Variants in FRMPD4 observed in about 807,000 individuals in gnomAD.
FRMPD4 encodes FERM and PDZ domain-containing protein 4.
Under a neutral mutation model 94.1 loss-of-function variants are expected in FRMPD4, and 22 were observed. The ratio of observed to expected loss-of-function variants is 0.23; its 90% CI spans 0.17 to 0.33. The LOEUF is 0.33. Ranked by LOEUF, FRMPD4 falls within the 10% of genes least tolerant of loss-of-function variation. The pLI is 1.00. For synonymous variants in FRMPD4, 631 were observed against 548.6 expected, an observed-to-expected ratio of 1.15 and a Z score of -2.10; for missense variants, 1,111 against 1,339.9, an observed-to-expected ratio of 0.83 and a Z score of 2.67.
intron 3 of FRMPD4, among the ~76,000 whole-genome samples, chrX:11,977,123 C>T (rs2054371396): frequency 8.9e-6 from 1 of 111,833 alleles, no homozygotes; most frequent in Non-Finnish European, 1.9e-5. Context: ...TAAAAAGGCA[C>T]TTAGATTGAT....
chrX:12,226,720 G>C (rs2056927013), intron 1 of FRMPD4, among the ~76,000 whole-genome samples: 1 of 111,107 alleles, frequency 9.0e-6, no homozygotes, highest in African/African-American at 3.3e-5. Context: ...ATGGATGCCA[G>C]ACATGCAGTG....
intron 1 of FRMPD4, among the ~76,000 whole-genome samples, chrX:12,295,706 G>T (rs928785550): frequency 2.1e-4 from 23 of 111,609 alleles, no homozygotes; most frequent in African/African-American, 7.2e-4. Flanking sequence ...GAGTCTTTTT[G>T]CCTCTTTAAG....
intron 1 of FRMPD4, among the ~76,000 whole-genome samples, chrX:12,270,715 C>G (rs748656183): frequency 2.7e-5 from 3 of 111,473 alleles, no homozygotes; most frequent in Non-Finnish European, 5.7e-5. Flanking sequence ...ACATTTCTAT[C>G]GTATTCACTT....
chrX:11,887,864 G>A lies in FRMPD4; in HGVS notation c.95+9846G>A, dbSNP rs1023359680. 5.4e-5 allele frequency among the ~76,000 whole-genome samples: 6 copies of A among 111,316 alleles called. No homozygotes were observed. In the South Asian group the frequency reaches 2.3e-3, roughly 42 times the overall value. On this transcript the variant is annotated intron_variant, in intron 3 of 18. Coordinates refer to the FRMPD4 transcript ENST00000640291. ...TATATCAGAATTGTGTTCTTCCCTC[G>A]GGTTTTCATAAAAACAGGTAGCAAA...
chrX:12,613,699 C>T (rs745813662), intron 3 of FRMPD4, among the ~76,000 whole-genome samples: 48 of 111,920 alleles, frequency 4.3e-4, no homozygotes, highest in Non-Finnish European at 6.8e-4. Flanking sequence ...TAAACAGGGC[C>T]GGGTGTAGGG....
chrX:12,623,714 A>G (rs1045780195), intron 4 of FRMPD4, among the ~76,000 whole-genome samples: 1 of 109,274 alleles, frequency 9.2e-6, no homozygotes, highest in Non-Finnish European at 1.9e-5. Flanking sequence ...AAGACACATT[A>G]TAACCAAATT....
intron 1 of FRMPD4, among the ~76,000 whole-genome samples, chrX:12,277,983 C>T (rs1384464293): frequency 1.8e-5 from 2 of 112,173 alleles, no homozygotes; most frequent in Non-Finnish European, 3.8e-5. Context: ...TATGTCCCAT[C>T]CAGCAGGTAT....
Position 12,414,568 on chromosome X carries a change from C to T in FRMPD4, c.42-84112C>T, listed in dbSNP as rs148488667. 4.8e-3 allele frequency among the ~76,000 whole-genome samples: 538 copies of T among 111,668 alleles called. 6 individuals are homozygous for T. Among genetic ancestry groups the T allele is most frequent in the African/African-American group, 0.016 (482 of 30,747 alleles). The stretch of plus-strand genomic sequence containing the variant: ...GACGTATTTTTATATTCTTCTATTA[C>T]GGACAGGACTAAGGAATTCTGGAAC... On this transcript the variant is annotated intron_variant, in intron 1 of 16. Coordinates refer to ENST00000675598, the MANE Select transcript of FRMPD4 (RefSeq NM_001368397.1).
intron 1 of FRMPD4, among the ~76,000 whole-genome samples, chrX:12,391,561 C>T (rs2056475223): frequency 9.0e-6 from 1 of 111,634 alleles, no homozygotes; most frequent in South Asian, 3.8e-4. Flanking sequence ...GGTATCTGGT[C>T]CTCATTTTAG....
intron 1 of FRMPD4, among the ~76,000 whole-genome samples, chrX:12,194,559 A>G (rs766615181): frequency 2.7e-5 from 3 of 111,498 alleles, no homozygotes; most frequent in African/African-American, 9.8e-5. Flanking sequence ...GAAGTTTGAG[A>G]GCTATTATTG....
chrX:12,707,325 C>A (rs2041895946), intron 12 of FRMPD4, 144 bp from the exon 13 acceptor site: 3 of 445,704 alleles, frequency 6.7e-6, no homozygotes, highest in African/African-American at 2.5e-5. Context: ...GTATCTGGTT[C>A]TTCTAATTGG....
At chrX:12,376,623 G>A (rs1258709447) in intron 1 of FRMPD4, among the ~76,000 whole-genome samples, 7 of 110,928 alleles carry the variant, frequency 6.3e-5, no homozygotes, top group South Asian at 3.7e-4. Flanking sequence ...ATGTGTGCAC[G>A]TGTGTGGGTG....
rs1279872026 is a variant in FRMPD4 at position 12,716,368 on chromosome X, G to A, written c.1909G>A (p.Glu637Lys). Residue 637 changes from glutamate (E) to lysine (K), a missense_variant, in exon 15 of 17, where the codon GAA (glutamate) becomes AAA (lysine). Physicochemically the swap from Glu to Lys is moderately conservative, Grantham distance 56. Coordinates refer to ENST00000675598, the MANE Select transcript of FRMPD4 (RefSeq NM_001368397.1). ...QRSLLTLSGPETLKKAQESPR... is the reference protein window; with the variant it reads ...QRSLLTLSGPKTLKKAQESPR... ...GTCCCTATTGACCCTCTCAGGACCA[G>A]AAACTCTGAAGAAAGCACAGGAATC... 1.7e-6 allele frequency: 2 copies of A among 1,211,897 alleles called. No individual in the cohort carries two copies. Among genetic ancestry groups the A allele is most frequent in the African/African-American group, 3.5e-5 (2 of 57,864 alleles).
chrX:12,714,008 A>G (rs753608756), intron 14 of FRMPD4, among the ~76,000 whole-genome samples: 1 of 112,048 alleles, frequency 8.9e-6, no homozygotes, highest in South Asian at 3.8e-4. Context: ...GTAAGTATCC[A>G]TCAACTTGCT....
intron 2 of FRMPD4, among the ~76,000 whole-genome samples, chrX:12,587,934 T>C (rs765456553): frequency 8.9e-6 from 1 of 112,340 alleles, no homozygotes; most frequent in African/African-American, 3.2e-5. Context: ...ATTCTTCTTA[T>C]GTCTTTAATT....
At chrX:12,444,863 G>A (rs762538339) in intron 1 of FRMPD4, among the ~76,000 whole-genome samples, 8 of 112,063 alleles carry the variant, frequency 7.1e-5, no homozygotes, top group African/African-American at 1.9e-4. Context: ...ACCACCTTCC[G>A]ACACTGTTGC....
intron 3 of FRMPD4, among the ~76,000 whole-genome samples, chrX:12,074,045 A>G (rs1397594192): frequency 8.9e-6 from 1 of 111,821 alleles, no homozygotes; most frequent in African/African-American, 3.3e-5. Context: ...TTTTCTTACT[A>G]ATTTGTAGGG....
At chrX:12,148,253 G>A (rs1359205572) in intron 1 of FRMPD4, among the ~76,000 whole-genome samples, 1 of 112,223 alleles carries the variant, frequency 8.9e-6, no homozygotes, top group African/African-American at 3.2e-5. Flanking sequence ...AAAAGCTCTT[G>A]AAGGAAATTA....
chrX:12,003,304 T>TTACAG (rs1296383387), intron 3 of FRMPD4, among the ~76,000 whole-genome samples: 1 of 111,912 alleles, frequency 8.9e-6, no homozygotes, highest in East Asian at 2.8e-4. Context: ...ATAGAGCCAG[T>TTACAG]TACAGGACTA....
Sources: allele counts gnomAD v4.1 joint callset (sites outside exome capture counted in the v4.1 genomes callset), GRCh38; gene constraint gnomAD v4.1.1; transcripts MANE v1.5; gene names NCBI Gene and HGNC (gene_info 2026-07-23, HGNC 2026-07-21).